Variants in PTCHD4 observed in about 807,000 individuals in gnomAD.
The protein encoded by PTCHD4 is patched domain-containing protein 4.
PTCHD4 carries 33 observed loss-of-function variants against 58.1 expected under a neutral mutation model. The observed-to-expected ratio is 0.57, with a 90% CI of 0.43 to 0.76. The LOEUF (loss-of-function observed/expected upper bound fraction) is 0.76. Ranked by LOEUF, PTCHD4 falls within the 30% of genes least tolerant of loss-of-function variation. PTCHD4 has a pLI of 0.00. For missense variants in PTCHD4, 1,058 were observed against 1,027.1 expected (o/e 1.03, Z -0.41); for synonymous variants, 478 against 409.6 (o/e 1.17, Z -2.02).
At chr6:48,108,579 G>A (rs1765796688) in intron 1 of PTCHD4, among the ~76,000 whole-genome samples, 1 of 151,840 alleles carries the variant, frequency 6.6e-6, no homozygotes, top group African/African-American at 2.4e-5. Context: ...TTGTGCATAT[G>A]TATCCTAAAA....
At chr6:47,885,835 T>C (rs1399640379) in intron 4 of PTCHD4, among the ~76,000 whole-genome samples, 2 of 152,238 alleles carry the variant, frequency 1.3e-5, no homozygotes, top group Admixed American at 6.5e-5. Flanking sequence ...TTTCTTTTTT[T>C]TGAGACGGAG....
chr6:48,016,808 T>G (rs1252212863), intron 3 of PTCHD4, among the ~76,000 whole-genome samples: 3 of 150,586 alleles, frequency 2.0e-5, no homozygotes, highest in African/African-American at 7.5e-5. Flanking sequence ...GACATTAATG[T>G]CACAGACAAT....
chr6:48,094,702 A>C (rs1185073086), intron 1 of PTCHD4, among the ~76,000 whole-genome samples: 1 of 152,242 alleles, frequency 6.6e-6, no homozygotes, highest in Non-Finnish European at 1.5e-5. Context: ...TGGCCTAAGA[A>C]TATAAGGAAG....
At chr6:47,941,490 T>C (rs1478196525) in intron 4 of PTCHD4, among the ~76,000 whole-genome samples, 2 of 152,198 alleles carry the variant, frequency 1.3e-5, no homozygotes, top group African/African-American at 2.4e-5. Flanking sequence ...AGTTAAATTA[T>C]GTGGGAGAAT....
At chr6:48,101,884 A>G (rs368789226) in intron 1 of PTCHD4, among the ~76,000 whole-genome samples, 60 of 152,214 alleles carry the variant, frequency 3.9e-4, no homozygotes, top group African/African-American at 1.4e-3. Flanking sequence ...GTGCGGTTGG[A>G]TGAAGGGATT....
At chr6:48,080,357 G>A (rs1253333781) in intron 1 of PTCHD4, among the ~76,000 whole-genome samples, 1 of 152,150 alleles carries the variant, frequency 6.6e-6, no homozygotes, top group African/African-American at 2.4e-5. Context: ...TAGACTGTCT[G>A]GGGATTTAGT....
chr6:47,922,336 C>G (rs1452498480), intron 4 of PTCHD4, among the ~76,000 whole-genome samples: 1 of 152,176 alleles, frequency 6.6e-6, no homozygotes, highest in African/African-American at 2.4e-5. Flanking sequence ...GTCTTGACTT[C>G]ACTCCTCTCT....
intron 1 of PTCHD4, among the ~76,000 whole-genome samples, chr6:48,070,556 C>T (rs1011402277): frequency 6.6e-6 from 1 of 152,188 alleles, no homozygotes; most frequent in Non-Finnish European, 1.5e-5. Context: ...GTGACCTTGG[C>T]GGCCATTCTG....
intron 1 of PTCHD4, among the ~76,000 whole-genome samples, chr6:48,097,200 T>C (rs1323981704): frequency 6.6e-6 from 1 of 152,050 alleles, no homozygotes; most frequent in Non-Finnish European, 1.5e-5. Flanking sequence ...CAAGCATAAT[T>C]TAAAAAATAA....
At chr6:47,985,770 C>T (rs1483909043) in intron 4 of PTCHD4, among the ~76,000 whole-genome samples, 3 of 150,906 alleles carry the variant, frequency 2.0e-5, no homozygotes. Flanking sequence ...TTTCAATATC[C>T]ATGGAATGTG....
At chr6:47,893,383 T>C (rs968820170) in intron 4 of PTCHD4, among the ~76,000 whole-genome samples, 7 of 152,196 alleles carry the variant, frequency 4.6e-5, no homozygotes, top group Admixed American at 1.3e-4. Context: ...GAAAAGGTTG[T>C]ATGTGTAGCA....
At chr6:47,999,717 A>T (rs1768647316) in intron 4 of PTCHD4, among the ~76,000 whole-genome samples, 1 of 152,118 alleles carries the variant, frequency 6.6e-6, no homozygotes, top group African/African-American at 2.4e-5. Context: ...TTATCCTACT[A>T]AATTTTGTGG....
intron 3 of PTCHD4, among the ~76,000 whole-genome samples, chr6:48,037,416 A>G (rs1056873258): frequency 9.8e-4 from 149 of 152,310 alleles, no homozygotes; most frequent in African/African-American, 3.5e-3. Context: ...GAACTACTGT[A>G]CTTAAAGTTG....
intron 3 of PTCHD4, among the ~76,000 whole-genome samples, chr6:48,050,251 T>G (rs1380531102): frequency 6.6e-6 from 1 of 152,016 alleles, no homozygotes; most frequent in Non-Finnish European, 1.5e-5. Context: ...TAAATTGAAC[T>G]TAATAAAACT....
intron 1 of PTCHD4, among the ~76,000 whole-genome samples, chr6:48,073,838 C>A (rs1188221949): frequency 6.6e-6 from 1 of 152,146 alleles, no homozygotes; most frequent in South Asian, 2.1e-4. Context: ...TTGCACTTAA[C>A]CTCCAGGGAG....
At chr6:48,032,362 G>A (rs80323506) in intron 3 of PTCHD4, among the ~76,000 whole-genome samples, 28,705 of 151,928 alleles carry the variant, frequency 0.19, 3,084 homozygotes, top group South Asian at 0.26. Flanking sequence ...GGCCACATGA[G>A]TCAGCAGTAT....
chr6:47,995,882 C>T (rs748214811), intron 4 of PTCHD4, among the ~76,000 whole-genome samples: 4 of 152,130 alleles, frequency 2.6e-5, no homozygotes, highest in South Asian at 2.1e-4. Flanking sequence ...ACATTTAGTT[C>T]ATGTCTAGTA....
chr6:48,095,455 G>A (rs1286119969), intron 1 of PTCHD4, among the ~76,000 whole-genome samples: 5 of 152,118 alleles, frequency 3.3e-5, no homozygotes, highest in African/African-American at 1.2e-4. Context: ...AAGCCAAGGC[G>A]GGCGGATCTT....
chr6:48,102,108 T>C (rs1765616382), intron 1 of PTCHD4, among the ~76,000 whole-genome samples: 1 of 152,178 alleles, frequency 6.6e-6, no homozygotes. Flanking sequence ...GGAATACAGG[T>C]TAAACTCCTA....
Sources: gnomAD v4.1 joint callset for allele counts (sites outside exome capture counted in the v4.1 genomes callset) on GRCh38, gnomAD v4.1.1 for gene constraint, MANE v1.5 for transcripts, NCBI Gene and HGNC (gene_info 2026-07-23, HGNC 2026-07-21) for gene names.